ALDH18A1: variants seen among roughly 807,000 people sequenced by gnomAD.
ALDH18A1 encodes the protein aldehyde dehydrogenase 18 family member A1, also known as delta-1-pyrroline-5-carboxylate synthase.
ALDH18A1 carries 44 observed loss-of-function variants against 88.8 expected under a neutral mutation model. That is an observed-to-expected ratio of 0.50 (90% CI 0.39 to 0.64). ALDH18A1 has a LOEUF of 0.64. ALDH18A1 is among the 30% of genes least tolerant of loss of function. The pLI, the probability that ALDH18A1 is intolerant of heterozygous loss-of-function variation, is 0.00. For missense variants in ALDH18A1, 782 were observed against 1,009.5 expected (o/e 0.77, Z 3.05); for synonymous variants, 331 against 372.1 (o/e 0.89, Z 1.27).
rs775286160 is a variant in ALDH18A1 at position 95,653,317 on chromosome 10, C to A, written c.61G>T (p.Val21Phe). The change falls in exon 2 of 18, where the codon GTC becomes TTC. Residue 21 changes from valine to phenylalanine, a missense_variant. Around this residue, in one of 3 missense-constraint regions of ALDH18A1, gnomAD observed 94 missense variants for 99.5 expected, o/e 0.94. Transcript: ENST00000371224. The stretch of plus-strand genomic sequence containing the variant: ...GATCTGAAGACGGTTGTACACTTGA[C>A]CCAGGGCAGAAGATGTTGGTTGAAG... ...QPFNQHLLPW[V>F]KCTTVFRSHC... is the part of the protein sequence containing the mutation. 17 of 1,612,256 alleles carry A rather than the reference C, an allele frequency of 1.1e-5. No homozygotes were observed. The highest frequency in any genetic ancestry group is 1.2e-5 in the Non-Finnish European group (14 of 1,179,764).
Position 95,637,095 on chromosome 10 carries a change from G to A in ALDH18A1, c.556C>T (p.Gln186Ter). The change falls in exon 5 of 18, where the codon CAG becomes TAG. Residue 186 changes from glutamine to a stop codon, truncating the protein, a stop_gained and splice_region_variant. Coordinates refer to ENST00000371224, the MANE Select transcript of ALDH18A1 (RefSeq NM_002860.4). LOFTEE classifies it high-confidence loss of function. The stretch of plus-strand genomic sequence containing the variant: ...CATTTCAAAGCCCAGCCTCTCACCT[G>A]GGCAGCACAGATGCTGTACTGGGTA... ...MFTQYSICAA[Q>*]ILVTNLDFHD... 6.2e-7 allele frequency: 1 copy of A among 1,613,970 alleles called. No homozygotes were observed. The highest frequency in any genetic ancestry group is 1.1e-5 in the South Asian group (1 of 91,060).
chr10:95,655,623 C>T (rs1589588687), intron 1 of ALDH18A1, among the ~76,000 whole-genome samples: 1 of 59,472 alleles, frequency 1.7e-5, no homozygotes, highest in African/African-American at 4.0e-5. Flanking sequence ...CTCTGACTGA[C>T]CAGGCAGAGT....
intron 1 of ALDH18A1, among the ~76,000 whole-genome samples, chr10:95,653,843 G>A (rs912680144): frequency 3.9e-5 from 6 of 152,180 alleles, no homozygotes; most frequent in Non-Finnish European, 7.3e-5. Context: ...TGAAATGTCA[G>A]CTTGATCCTT....
Position 95,628,450 on chromosome 10 carries a change from A to C in ALDH18A1, c.851T>G (p.Ile284Ser). ...SPPGSDDAKL[I>S]DIFYPGDQQS... The stretch of plus-strand genomic sequence containing the variant: ...CTGATCTCCGGGATAAAATATATCA[A>C]TAAGCTTTGCATCATCTGAACCTGG... The change falls in exon 8 of 18, where the codon ATT (isoleucine) becomes AGT (serine). Residue 284 changes from isoleucine to serine, a missense_variant. Ile to Ser is a moderately radical substitution (Grantham distance 142). Coordinates refer to ENST00000371224, the MANE Select transcript of ALDH18A1 (RefSeq NM_002860.4). 2 of 1,614,096 alleles carry C rather than the reference A, an allele frequency of 1.2e-6. No individual in the cohort carries two copies. Among genetic ancestry groups the C allele is most frequent in the Non-Finnish European group, 1.7e-6 (2 of 1,179,980 alleles).
chr10:95,642,320 A>C (rs953488773), intron 3 of ALDH18A1, among the ~76,000 whole-genome samples: 2 of 152,186 alleles, frequency 1.3e-5, no homozygotes, highest in African/African-American at 4.8e-5. Flanking sequence ...TACGAAACTA[A>C]AATATTTACT....
Position 95,628,230 on chromosome 10 carries a change from T to C in ALDH18A1, c.933+138A>G, listed in dbSNP as rs2097863112. 3.2e-5 allele frequency: 39 copies of C among 1,209,008 alleles called. 1 individual carries two copies. In the South Asian group the frequency reaches 4.8e-4, roughly 15 times the overall value. 74.9% of individuals were successfully genotyped at this position (1,209,008 alleles called of 1,614,324 possible). A position where few individuals can be genotyped will look rare whatever the true frequency, so the allele number is the denominator to read the frequency against. On this transcript the variant is annotated intron_variant, in intron 8 of 17. Coordinates refer to ENST00000371224, the MANE Select transcript of ALDH18A1 (RefSeq NM_002860.4). The stretch of plus-strand genomic sequence containing the variant: ...GAATGCAACACTCATTAAATCTGTA[T>C]TTAGGTATGTACATATTTAAGTGTG...
chr10:95,625,862 GT>G (rs1362218787), intron 10 of ALDH18A1, among the ~76,000 whole-genome samples: 1 of 151,970 alleles, frequency 6.6e-6, no homozygotes, highest in African/African-American at 2.4e-5. Flanking sequence ...GAATTAACAT[GT>G]TACATAGAGT....
At chr10:95,609,771 T>TTTTTTTTTTTTTA (rs1336159900) in intron 17 of ALDH18A1, among the ~76,000 whole-genome samples, 2 of 141,720 alleles carry the variant, frequency 1.4e-5, no homozygotes, top group Non-Finnish European at 3.1e-5. Context: ...CTGTCTCTAT[T>TTTTTTTTTTTTTA]TTTTTTTTTT....
At chr10:95,646,770 T>C (rs2097901993) in intron 2 of ALDH18A1, among the ~76,000 whole-genome samples, 1 of 152,186 alleles carries the variant, frequency 6.6e-6, no homozygotes, top group Non-Finnish European at 1.5e-5. Context: ...CCCCTCTTAG[T>C]AGGTATGAGG....
intron 10 of ALDH18A1, 86 bp downstream of exon 10, chr10:95,626,617 G>T (rs1318328038): frequency 7.9e-7 from 1 of 1,262,450 alleles, no homozygotes; most frequent in African/African-American, 1.5e-5. Context: ...TAGGAATAAA[G>T]ATGGAGTCAG....
chr10:95,633,951 G>C (rs2097875889), intron 5 of ALDH18A1, among the ~76,000 whole-genome samples: 1 of 151,398 alleles, frequency 6.6e-6, no homozygotes, highest in Non-Finnish European at 1.5e-5. Context: ...CAAGTAGCTA[G>C]GATTACAGGC....
At chr10:95,631,792 C>G (rs1373316273) in intron 7 of ALDH18A1, among the ~76,000 whole-genome samples, 1 of 133,182 alleles carries the variant, frequency 7.5e-6, no homozygotes, top group Non-Finnish European at 1.6e-5. Flanking sequence ...ATGATGTAAA[C>G]ACATTAGAAC....
intron 9 of ALDH18A1, 32 bp from the exon 10 acceptor site, chr10:95,626,808 G>A: frequency 6.2e-7 from 1 of 1,610,618 alleles, no homozygotes; most frequent in Non-Finnish European, 8.5e-7. Flanking sequence ...TCAGGTCATG[G>A]TCACCTTAGT....
intron 3 of ALDH18A1, among the ~76,000 whole-genome samples, chr10:95,641,816 A>T (rs1398531306): frequency 1.3e-5 from 2 of 151,490 alleles, no homozygotes; most frequent in African/African-American, 4.8e-5. Context: ...TTTTAAAAAA[A>T]TTTTTGTAGA....
intron 17 of ALDH18A1, among the ~76,000 whole-genome samples, chr10:95,609,785 T>TTTTTTTTTC (rs1589474628): frequency 6.7e-6 from 1 of 149,306 alleles, no homozygotes; most frequent in Non-Finnish European, 1.5e-5. Flanking sequence ...TTTTTTTTTT[T>TTTTTTTTTC]GAGATGGTGT....
At chr10:95,652,120 A>G (rs1223970474) in intron 2 of ALDH18A1, among the ~76,000 whole-genome samples, 4 of 152,266 alleles carry the variant, frequency 2.6e-5, no homozygotes, top group Admixed American at 6.5e-5. Context: ...ACAGAATTCC[A>G]AAAGGTTACA....
intron 12 of ALDH18A1, among the ~76,000 whole-genome samples, chr10:95,618,614 G>A (rs544955608): frequency 1.3e-5 from 2 of 152,232 alleles, no homozygotes; most frequent in Middle Eastern, 3.4e-3. Context: ...GTGCCTGGCC[G>A]ACAGTTGCAT....
At chr10:95,616,111 G>A (rs942625931) in intron 13 of ALDH18A1, among the ~76,000 whole-genome samples, 2 of 152,140 alleles carry the variant, frequency 1.3e-5, no homozygotes, top group Non-Finnish European at 2.9e-5. Context: ...GACAGTTTAT[G>A]ACAAACTTTT....
intron 3 of ALDH18A1, 151 bp from the exon 4 acceptor site, chr10:95,637,587 T>G (rs11188411): frequency 1.0e-5 from 9 of 879,556 alleles, no homozygotes; most frequent in Non-Finnish European, 1.6e-5. Flanking sequence ...ATCAGCCAGA[T>G]TGGTAAAAAC....
Sources: gnomAD v4.1 joint callset for allele counts (sites outside exome capture counted in the v4.1 genomes callset) on GRCh38, gnomAD v4.1.1 for gene constraint, gnomAD v4.1.1 regional missense constraint, MANE v1.5 for transcripts, NCBI Gene and HGNC (gene_info 2026-07-23, HGNC 2026-07-21) for gene names.